The following WDR59 variants were observed in gnomAD, a reference collection of about 807,000 sequenced individuals.
The protein encoded by WDR59 is GATOR2 complex protein WDR59.
A neutral mutation model predicts 131.2 loss-of-function variants in WDR59; 100 were observed. The observed-to-expected ratio is 0.76, with a 90% CI of 0.65 to 0.90. WDR59 has a LOEUF of 0.90. Ranked by LOEUF, WDR59 falls within the 40% of genes least tolerant of loss-of-function variation. The probability of loss-of-function intolerance (pLI) is 0.00; values close to 1 mark genes in which losing one functional copy is unlikely to be tolerated. For synonymous variants in WDR59, 601 were observed against 466.2 expected (o/e 1.29, Z -3.72); for missense variants, 1,203 against 1,262.2 (o/e 0.95, Z 0.71).
intron 13 of WDR59, 105 bp downstream of exon 13, chr16:74,915,765 T>C: frequency 6.5e-7 from 1 of 1,537,232 alleles, no homozygotes; most frequent in Non-Finnish European, 8.9e-7. Context: ...GAGAGTTCTG[T>C]TAAAGCTGCA....
At chr16:74,885,475 A>AT (rs1567686583) in intron 25 of WDR59, among the ~76,000 whole-genome samples, 178 bp downstream of exon 25, 3 of 148,592 alleles carry the variant, frequency 2.0e-5, no homozygotes, top group African/African-American at 5.0e-5. Context: ...AAAAAAAAAA[A>AT]TTCATCCTGT....
intron 9 of WDR59, among the ~76,000 whole-genome samples, chr16:74,922,514 C>A (rs1441578683): frequency 6.6e-6 from 1 of 152,186 alleles, no homozygotes; most frequent in Non-Finnish European, 1.5e-5. Flanking sequence ...CTAATTCTTG[C>A]CACGTGGAAA....
intron 1 of WDR59, chr16:74,984,631 C>T (rs1597836621): frequency 2.8e-6 from 1 of 359,644 alleles, no homozygotes. Flanking sequence ...GCTAGGGCCT[C>T]GGGAAGCCGT....
intron 6 of WDR59, among the ~76,000 whole-genome samples, chr16:74,944,559 C>T (rs565653341): frequency 3.3e-5 from 5 of 151,698 alleles, no homozygotes; most frequent in East Asian, 3.9e-4. Flanking sequence ...ATACTCACAA[C>T]GTGACTCCCT....
intron 20 of WDR59, among the ~76,000 whole-genome samples, chr16:74,892,061 A>G (rs1414929380): frequency 1.3e-5 from 2 of 152,348 alleles, no homozygotes; most frequent in Non-Finnish European, 1.5e-5. Flanking sequence ...ATGTTGCTGC[A>G]AAGATGAAGA....
At chr16:74,956,746 C>A in intron 2 of WDR59, 136 bp from the exon 3 acceptor site, 1 of 1,102,246 alleles carries the variant, frequency 9.1e-7, no homozygotes, top group Non-Finnish European at 1.3e-6. Flanking sequence ...CATTTATTTA[C>A]TCTGAAAGGC....
intron 1 of WDR59, among the ~76,000 whole-genome samples, chr16:74,981,374 T>TG (rs2034396600): frequency 1.3e-5 from 1 of 76,280 alleles, no homozygotes; most frequent in African/African-American, 4.1e-5. Flanking sequence ...AGACTCTGTC[T>TG]CAAAAAAAAA....
intron 3 of WDR59, among the ~76,000 whole-genome samples, chr16:74,955,867 T>C (rs2033265154): frequency 2.0e-5 from 3 of 152,156 alleles, no homozygotes; most frequent in African/African-American, 4.8e-5. Context: ...TGGAGAAAGA[T>C]GCCAGACAGG....
intron 6 of WDR59, among the ~76,000 whole-genome samples, chr16:74,947,548 G>A (rs540724198): frequency 6.6e-6 from 1 of 152,232 alleles, no homozygotes; most frequent in East Asian, 1.9e-4. Context: ...CCACTTACAG[G>A]TATGGACTTT....
At chr16:74,964,122 T>A (rs2033670925) in intron 2 of WDR59, among the ~76,000 whole-genome samples, 1 of 152,158 alleles carries the variant, frequency 6.6e-6, no homozygotes. Context: ...GGCTCACACC[T>A]GTAATCCCAG....
intron 13 of WDR59, 158 bp downstream of exon 13, chr16:74,915,712 C>T: frequency 9.5e-7 from 1 of 1,052,458 alleles, no homozygotes; most frequent in Non-Finnish European, 1.4e-6. Context: ...GCGTGAGCCA[C>T]CGCGCCTGGC....
chr16:74,884,379 C>G (rs989055103), intron 25 of WDR59, among the ~76,000 whole-genome samples: 2 of 152,228 alleles, frequency 1.3e-5, no homozygotes, highest in African/African-American at 4.8e-5. Context: ...GACAGAGTCT[C>G]GCTCTGTCAC....
chr16:74,921,060 T>C (rs2030170501), intron 10 of WDR59, among the ~76,000 whole-genome samples: 1 of 152,146 alleles, frequency 6.6e-6, no homozygotes, highest in Non-Finnish European at 1.5e-5. Flanking sequence ...TTCAAATACA[T>C]GATATATTTC....
chr16:74,896,405 G>A (rs1386511726), intron 18 of WDR59, among the ~76,000 whole-genome samples: 1 of 152,214 alleles, frequency 6.6e-6, no homozygotes, highest in Non-Finnish European at 1.5e-5. Flanking sequence ...AAGGCAGGCA[G>A]ATCACCTGAG....
At chr16:74,893,038 C>G (rs1372674966) in intron 19 of WDR59, among the ~76,000 whole-genome samples, 3 of 152,212 alleles carry the variant, frequency 2.0e-5, no homozygotes, top group African/African-American at 4.8e-5. Context: ...AATTACTCAC[C>G]TCTCACTTCC....
At chr16:74,970,901 AAT>A (rs2033957028) in intron 1 of WDR59, among the ~76,000 whole-genome samples, 1 of 151,846 alleles carries the variant, frequency 6.6e-6, no homozygotes, top group African/African-American at 2.4e-5. Flanking sequence ...AAAAAAAAAA[AAT>A]TAGCCAGGAA....
At chr16:74,912,701 A>T (rs538590582) in intron 13 of WDR59, among the ~76,000 whole-genome samples, 39 of 152,340 alleles carry the variant, frequency 2.6e-4, no homozygotes, top group Non-Finnish European at 5.1e-4. Flanking sequence ...TTCAGAGCTG[A>T]GAGCCTTGAA....
In WDR59 at chr16:74,949,911, T is replaced by C. The variant is rs561973303; in HGVS notation, c.327-113A>G. ...CTTCAGAATGTCATCATTAACGGGC[T>C]TCTTAATGTGGTTTAGGCTGAGAAT... is the stretch of plus-strand genomic sequence containing the variant. On this transcript the variant is annotated intron_variant, in intron 4 of 25. Transcript: ENST00000262144. The C allele has an allele frequency of 6.5e-4, 612 of 938,364 alleles. 1 individual carries two copies. The highest frequency in any genetic ancestry group is 9.8e-4 in the Non-Finnish European group (580 of 590,624). 58.1% of individuals were successfully genotyped at this position (938,364 alleles called of 1,614,324 possible).
At chr16:74,944,714 C>T (rs1319409346) in intron 6 of WDR59, among the ~76,000 whole-genome samples, 1 of 152,004 alleles carries the variant, frequency 6.6e-6, no homozygotes, top group East Asian at 1.9e-4. Context: ...TGCCTCTTTT[C>T]CCCCAGGGTA....
Sources: gnomAD v4.1 joint callset for allele counts (sites outside exome capture counted in the v4.1 genomes callset) on GRCh38, gnomAD v4.1.1 for gene constraint, MANE v1.5 for transcripts, NCBI Gene and HGNC (gene_info 2026-07-23, HGNC 2026-07-21) for gene names.